Variants in NCAM2 observed in about 807,000 individuals in gnomAD.
The protein encoded by NCAM2 is N-CAM-2.
In NCAM2, 30 loss-of-function variants were observed where a neutral mutation model predicts 98.1. The ratio of observed to expected loss-of-function variants is 0.31; its 90% CI spans 0.23 to 0.41. The LOEUF is 0.41. Ranked by LOEUF, NCAM2 falls within the 10% of genes least tolerant of loss-of-function variation. The pLI is 1.00. For synonymous variants in NCAM2, 368 were observed against 342.4 expected (o/e 1.07, Z -0.83); for missense variants, 867 against 1,005.8 (o/e 0.86, Z 1.87).
At chr21:21,452,950 CTATATAT>C (rs1453430260) in intron 12 of NCAM2, among the ~76,000 whole-genome samples, 55 of 73,934 alleles carry the variant, frequency 7.4e-4, no homozygotes, top group South Asian at 6.9e-3. Flanking sequence ...ATAATTTATA[CTATATAT>C]TATATATTAT....
intron 15 of NCAM2, among the ~76,000 whole-genome samples, chr21:21,503,169 T>G (rs536753722): frequency 5.3e-5 from 8 of 152,070 alleles, no homozygotes; most frequent in African/African-American, 1.9e-4. Context: ...CTGAAACCTT[T>G]GATCGTACTT....
Position 21,414,970 on chromosome 21 carries a change from A to C in NCAM2, c.1384-3503A>C, listed in dbSNP as rs570483559. Among the ~76,000 whole-genome samples, 336 of 150,042 alleles carry C rather than the reference A, an allele frequency of 2.2e-3. 1 individual carries two copies. Among genetic ancestry groups the C allele is most frequent in the Non-Finnish European group, 3.6e-3 (242 of 67,696 alleles). Reference sequence around the variant, plus strand: ...GAATCTTTTTTTTTTTTTTCTCAGCACTATATCTCAACAGTGGGCTTAAAA... The same window carrying C: ...GAATCTTTTTTTTTTTTTTCTCAGCCCTATATCTCAACAGTGGGCTTAAAA... On this transcript the variant is annotated intron_variant, in intron 10 of 17. Transcript: ENST00000400546.
chr21:21,430,000 CT>C, intron 11 of NCAM2, among the ~76,000 whole-genome samples: 1 of 152,088 alleles, frequency 6.6e-6, no homozygotes, highest in African/African-American at 2.4e-5. Context: ...GTACATTTGA[CT>C]TTTGACTGCC....
intron 1 of NCAM2, among the ~76,000 whole-genome samples, chr21:21,221,546 A>C (rs1478946269): frequency 6.6e-6 from 1 of 152,228 alleles, no homozygotes; most frequent in East Asian, 1.9e-4. Context: ...AGAAAGCTTT[A>C]TTAGTCTAGC....
chr21:21,352,849 G>A (rs1354847513), intron 8 of NCAM2, among the ~76,000 whole-genome samples: 1 of 148,024 alleles, frequency 6.8e-6, no homozygotes, highest in Non-Finnish European at 1.5e-5. Context: ...AAAAGAAAGT[G>A]TTTTTGTTTT....
chr21:21,306,402 T>C (rs1048986591), intron 5 of NCAM2, among the ~76,000 whole-genome samples: 5 of 152,194 alleles, frequency 3.3e-5, no homozygotes. Context: ...GTCCTCCTGA[T>C]GAATTGACGT....
At chr21:21,030,699 A>G (rs1236167842) in intron 1 of NCAM2, among the ~76,000 whole-genome samples, 4 of 152,212 alleles carry the variant, frequency 2.6e-5, no homozygotes, top group Non-Finnish European at 4.4e-5. Context: ...AATGAGTGGT[A>G]TTAAGGGAGG....
In NCAM2 at chr21:21,541,893, A is replaced by G. The variant is rs559107479; in HGVS notation, c.*3936A>G. 20 of 151,886 alleles carry G rather than the reference A, an allele frequency of 1.3e-4. No individual in the cohort carries two copies. In the East Asian group the frequency reaches 3.7e-3, roughly 28 times the overall value. 9.4% of individuals were successfully genotyped at this position (151,886 alleles called of 1,614,324 possible). Reference sequence around the variant, plus strand: ...TTCAACAAACTTTGTATCTGGATATATTTTTAACAATAAGTTTGTTAGCAT... The same window carrying G: ...TTCAACAAACTTTGTATCTGGATATGTTTTTAACAATAAGTTTGTTAGCAT... On this transcript the variant is annotated 3_prime_UTR_variant, in exon 18 of 18. Transcript: ENST00000400546.
At chr21:20,998,757 G>C in intron 1 of NCAM2, 139 bp downstream of exon 1, 3 of 863,714 alleles carry the variant, frequency 3.5e-6, no homozygotes, top group Non-Finnish European at 5.5e-6. Context: ...TATTATTTTC[G>C]TTCTTTCTCC....
chr21:21,185,020 T>C (rs1255307184), intron 1 of NCAM2, among the ~76,000 whole-genome samples: 1 of 152,102 alleles, frequency 6.6e-6, no homozygotes, highest in Non-Finnish European at 1.5e-5. Flanking sequence ...ACATCGTATT[T>C]TCAGTAGGAT....
At chr21:21,182,294 G>A (rs2068503725) in intron 1 of NCAM2, among the ~76,000 whole-genome samples, 1 of 152,196 alleles carries the variant, frequency 6.6e-6, no homozygotes, top group African/African-American at 2.4e-5. Flanking sequence ...AGAGCAGTTG[G>A]AAATATATAT....
At chr21:21,434,716 G>A (rs1437843309) in intron 12 of NCAM2, among the ~76,000 whole-genome samples, 2 of 152,060 alleles carry the variant, frequency 1.3e-5, no homozygotes, top group East Asian at 1.9e-4. Context: ...GGTGAGCATC[G>A]CTGCCTTCCA....
At chr21:21,191,707 A>G (rs2068829721) in intron 1 of NCAM2, among the ~76,000 whole-genome samples, 1 of 152,152 alleles carries the variant, frequency 6.6e-6, no homozygotes, top group Non-Finnish European at 1.5e-5. Context: ...AATTATCATC[A>G]TTAATTTATT....
At chr21:21,496,827 A>G (rs944137941) in intron 15 of NCAM2, among the ~76,000 whole-genome samples, 5 of 152,112 alleles carry the variant, frequency 3.3e-5, no homozygotes, top group African/African-American at 1.2e-4. Context: ...AATCTTCTGC[A>G]TTGGGCTAGC....
chr21:21,385,695 A>G (rs923221479), intron 9 of NCAM2: 2 of 1,276,740 alleles, frequency 1.6e-6, no homozygotes, highest in South Asian at 1.3e-5. Flanking sequence ...TAAACTTCCA[A>G]TTTCTAAAAC....
At chr21:21,017,577 G>T (rs1287284748) in intron 1 of NCAM2, among the ~76,000 whole-genome samples, 1 of 151,972 alleles carries the variant, frequency 6.6e-6, no homozygotes, top group Non-Finnish European at 1.5e-5. Context: ...ACTAATCCGG[G>T]TGCATGCCTC....
At chr21:21,122,235 C>T (rs2066691390) in intron 1 of NCAM2, among the ~76,000 whole-genome samples, 1 of 152,014 alleles carries the variant, frequency 6.6e-6, no homozygotes, top group Admixed American at 6.6e-5. Flanking sequence ...TATATGATGC[C>T]ATATTTCATT....
At chr21:21,163,775 T>G (rs2067864058) in intron 1 of NCAM2, among the ~76,000 whole-genome samples, 1 of 152,180 alleles carries the variant, frequency 6.6e-6, no homozygotes, top group African/African-American at 2.4e-5. Flanking sequence ...ATCACTGCTA[T>G]TTTTCAGATA....
intron 11 of NCAM2, among the ~76,000 whole-genome samples, chr21:21,420,051 T>C (rs1332599873): frequency 2.0e-5 from 3 of 151,966 alleles, no homozygotes; most frequent in African/African-American, 7.2e-5. Context: ...AAAATTAAAT[T>C]ATATTTCAAG....
Sources: allele counts gnomAD v4.1 joint callset (sites outside exome capture counted in the v4.1 genomes callset), GRCh38; gene constraint gnomAD v4.1.1; transcripts MANE v1.5; gene names NCBI Gene and HGNC (gene_info 2026-07-23, HGNC 2026-07-21).